Variants in SPINT2 observed in about 807,000 individuals in gnomAD.
SPINT2 encodes the protein kunitz-type protease inhibitor 2.
SPINT2 carries 18 observed loss-of-function variants against 30.1 expected under a neutral mutation model. The observed-to-expected ratio is 0.60, with a 90% CI of 0.41 to 0.89. The LOEUF is 0.89. Among genes scored for constraint, SPINT2 ranks in the 40% least tolerant of loss-of-function variants. The pLI, the probability that SPINT2 is intolerant of heterozygous loss-of-function variation, is 0.00. For missense variants in SPINT2, 276 were observed against 334.3 expected (o/e 0.83, Z 1.36); for synonymous variants, 139 against 137.9 (o/e 1.01, Z -0.05).
chr19:38,278,802 AAAAT>A (rs777087409), intron 1 of SPINT2, among the ~76,000 whole-genome samples: 10 of 152,178 alleles, frequency 6.6e-5, no homozygotes, highest in Non-Finnish European at 1.0e-4. Context: ...ACTGAGTCTC[AAAAT>A]AAATAAATAC....
intron 6 of SPINT2, chr19:38,291,490 T>A (rs1968717923): frequency 3.5e-6 from 1 of 283,054 alleles, no homozygotes; most frequent in Admixed American, 4.7e-5. Context: ...CGGTGCTAAG[T>A]GTTTTTTACA....
chr19:38,290,399 G>C lies in SPINT2; in HGVS notation c.553+119G>C. ...TTCTTGGGCCCACCAGGGCAGCAAG[G>C]CCTCTAAGCCCCAGAAAAGCTGGAA... On this transcript the variant is annotated intron_variant, in intron 5 of 6. Coordinates refer to ENST00000301244, the MANE Select transcript of SPINT2 (RefSeq NM_021102.4). The surrounding 1 kb of genome is among the most constrained non-coding windows in gnomAD (Gnocchi z 4.3). 1 of 1,581,566 alleles carries C rather than the reference G, an allele frequency of 6.3e-7. No homozygotes were observed. The highest frequency in any genetic ancestry group is 8.6e-7 in the Non-Finnish European group (1 of 1,162,610).
chr19:38,287,005 CTG>C (rs1968649827), intron 2 of SPINT2, among the ~76,000 whole-genome samples: 1 of 152,062 alleles, frequency 6.6e-6, no homozygotes, highest in Non-Finnish European at 1.5e-5. Context: ...CTGGAAGTCA[CTG>C]TGTTTTGATT....
At chr19:38,288,871 G>T (rs1352872836) in intron 3 of SPINT2, 1 of 492,348 alleles carries the variant, frequency 2.0e-6, no homozygotes, top group Non-Finnish European at 3.7e-6. Flanking sequence ...ACAAGACCGT[G>T]TTCCCTATAA....
intron 1 of SPINT2, among the ~76,000 whole-genome samples, chr19:38,280,265 C>T (rs920213570): frequency 1.3e-5 from 2 of 152,126 alleles, no homozygotes; most frequent in African/African-American, 2.4e-5. Context: ...TGTCCTCAGC[C>T]GCTACTGTGA....
chr19:38,288,928 G>A, intron 3 of SPINT2: 1 of 576,098 alleles, frequency 1.7e-6, no homozygotes, highest in Admixed American at 3.0e-5. Context: ...CCCTGAGGTG[G>A]CGGCAGGGCC....
intron 1 of SPINT2, among the ~76,000 whole-genome samples, chr19:38,268,770 T>C (rs750690071): frequency 1.9e-4 from 29 of 148,870 alleles, no homozygotes; most frequent in Middle Eastern, 6.9e-3. Context: ...CGCGCGCGTG[T>C]GTGTGTGTGT....
intron 1 of SPINT2, among the ~76,000 whole-genome samples, chr19:38,281,604 G>A (rs971845934): frequency 1.2e-4 from 18 of 152,084 alleles, no homozygotes; most frequent in African/African-American, 4.1e-4. Flanking sequence ...AGCTACTTGG[G>A]AGGCTGAGGC....
At chr19:38,272,004 G>C (rs1283315356) in intron 1 of SPINT2, among the ~76,000 whole-genome samples, 1 of 152,144 alleles carries the variant, frequency 6.6e-6, no homozygotes, top group Non-Finnish European at 1.5e-5. Flanking sequence ...ACTTTGGGGG[G>C]CTGAGGCAGG....
At chr19:38,281,619 G>A (rs1161252719) in intron 1 of SPINT2, among the ~76,000 whole-genome samples, 1 of 151,918 alleles carries the variant, frequency 6.6e-6, no homozygotes, top group Non-Finnish European at 1.5e-5. Context: ...TGAGGCAGGA[G>A]AACAGCTTGA....
chr19:38,280,440 T>C (rs1301822474), intron 1 of SPINT2, among the ~76,000 whole-genome samples: 2 of 152,192 alleles, frequency 1.3e-5, no homozygotes, highest in African/African-American at 4.8e-5. Context: ...AATACAGTGA[T>C]GTTCTCACTG....
At chr19:38,268,034 G>A (rs1568337554) in intron 1 of SPINT2, among the ~76,000 whole-genome samples, 1 of 152,102 alleles carries the variant, frequency 6.6e-6, no homozygotes, top group Non-Finnish European at 1.5e-5. Flanking sequence ...GGACATGGAA[G>A]ATTTGCTCAA....
chr19:38,289,123 A>G lies in SPINT2; in HGVS notation c.338-15A>G, dbSNP rs1448748948. The stretch of plus-strand genomic sequence containing the variant: ...GTCCGGCCCAGCCTCCCTAACACAG[A>G]TGTTTGTGTTTCAGCTCCCAGAAGG... On this transcript the variant is annotated splice_polypyrimidine_tract_variant and intron_variant, in intron 3 of 6. Coordinates refer to ENST00000301244, the MANE Select transcript of SPINT2 (RefSeq NM_021102.4). 1.2e-6 allele frequency: 2 copies of G among 1,613,498 alleles called. No homozygotes were observed. Among genetic ancestry groups the G allele is most frequent in the East Asian group, 4.5e-5 (2 of 44,860 alleles).
At chr19:38,281,615 A>T (rs556782767) in intron 1 of SPINT2, among the ~76,000 whole-genome samples, 50 of 152,218 alleles carry the variant, frequency 3.3e-4, no homozygotes, top group African/African-American at 1.1e-3. Flanking sequence ...AGGCTGAGGC[A>T]GGAGAACAGC....
chr19:38,273,764 G>T (rs1194731463), intron 1 of SPINT2, among the ~76,000 whole-genome samples: 1 of 152,090 alleles, frequency 6.6e-6, no homozygotes, highest in Non-Finnish European at 1.5e-5. Flanking sequence ...TTGGCTTGAG[G>T]TTGTACTTTT....
rs3786880 is a variant in SPINT2, at chr19:38,286,036, G to A, written c.278-1840G>A. On this transcript the variant is annotated intron_variant, in intron 2 of 6. Transcript: ENST00000301244. ...CAGGTTAGCTGTCTCCCTAGAGTCC[G>A]GCCCCGCCTTGCAGGTCCAGAAAGC... Among the ~76,000 whole-genome samples the A allele has an allele frequency of 2.5e-3, 386 of 152,210 alleles. 11 individuals are homozygous for A. In the East Asian group the frequency reaches 0.049, roughly 19 times the overall value.
At chr19:38,283,529 G>A (rs1234072952) in intron 1 of SPINT2, 98 bp from the exon 2 acceptor site, 7 of 1,496,754 alleles carry the variant, frequency 4.7e-6, no homozygotes, top group African/African-American at 1.4e-5. Flanking sequence ...GGAACTCAAG[G>A]CTCTGGTTCT....
chr19:38,281,888 C>A (rs1419458318), intron 1 of SPINT2, among the ~76,000 whole-genome samples: 1 of 152,178 alleles, frequency 6.6e-6, no homozygotes, highest in African/African-American at 2.4e-5. Flanking sequence ...AGCAGCCACT[C>A]ATCTACTTCC....
intron 1 of SPINT2, among the ~76,000 whole-genome samples, chr19:38,275,387 C>T (rs1046181335): frequency 1.3e-5 from 2 of 152,014 alleles, no homozygotes; most frequent in Admixed American, 6.6e-5. Flanking sequence ...TGCAGTGGTG[C>T]GATCTCAGCT....
Sources: gnomAD v4.1 joint callset for allele counts (sites outside exome capture counted in the v4.1 genomes callset) on GRCh38, gnomAD v4.1.1 for gene constraint, Gnocchi (gnomAD v3.1) non-coding constraint, MANE v1.5 for transcripts, NCBI Gene and HGNC (gene_info 2026-07-23, HGNC 2026-07-21) for gene names.